FBLN2: variants seen among roughly 807,000 people sequenced by gnomAD.
The protein encoded by FBLN2 is fibulin 2, also known as fibulin-2.
Under a neutral mutation model 123.7 loss-of-function variants are expected in FBLN2, and 81 were observed. The observed-to-expected ratio is 0.65, with a 90% CI of 0.55 to 0.79. The LOEUF (loss-of-function observed/expected upper bound fraction) is 0.79, where lower values mean the gene tolerates loss of function less well. FBLN2 is among the 30% of genes least tolerant of loss of function. FBLN2 has a pLI of 0.00. For missense variants in FBLN2, 1,603 were observed against 1,681.3 expected (o/e 0.95, Z 0.81); for synonymous variants, 699 against 701.4 (o/e 1.00, Z 0.05).
chr3:13,634,005 C>T (rs1229337673), intron 16 of FBLN2, among the ~76,000 whole-genome samples: 1 of 42,866 alleles, frequency 2.3e-5, no homozygotes, highest in Non-Finnish European at 5.2e-5. Flanking sequence ...AGCTGAAAGT[C>T]ACTCTGAGTC....
chr3:13,595,565 G>A (rs1423554649), intron 2 of FBLN2, among the ~76,000 whole-genome samples: 2 of 152,154 alleles, frequency 1.3e-5, no homozygotes, highest in African/African-American at 4.8e-5. Flanking sequence ...AAGGCTGGCG[G>A]GAACATCAGG....
chr3:13,595,328 C>G (rs1315387781), intron 2 of FBLN2, among the ~76,000 whole-genome samples: 3 of 152,162 alleles, frequency 2.0e-5, no homozygotes, highest in Admixed American at 6.5e-5. Context: ...AGGCATCCCT[C>G]AGGCTGAGTT....
At chr3:13,554,565 G>C (rs569539127) in intron 1 of FBLN2, among the ~76,000 whole-genome samples, 1 of 81,692 alleles carries the variant, frequency 1.2e-5, no homozygotes, top group African/African-American at 4.4e-5. Context: ...TGAAGATCTC[G>C]CTCATCACTG....
chr3:13,635,879 C>CAG (rs1706445672), intron 16 of FBLN2, among the ~76,000 whole-genome samples: 1 of 152,090 alleles, frequency 6.6e-6, no homozygotes, highest in Admixed American at 6.5e-5. Flanking sequence ...CGGTGTGTTG[C>CAG]AGAGCATGGA....
chr3:13,609,239 C>A (rs2292901), intron 3 of FBLN2, among the ~76,000 whole-genome samples: 4 of 152,184 alleles, frequency 2.6e-5, no homozygotes, highest in East Asian at 1.9e-4. Context: ...CCTCCCCGAC[C>A]GTTGTGGGGG....
intron 2 of FBLN2, among the ~76,000 whole-genome samples, chr3:13,586,454 A>C (rs1315228911): frequency 6.8e-6 from 1 of 146,704 alleles, no homozygotes; most frequent in Non-Finnish European, 1.5e-5. Flanking sequence ...AAGGGTTGGG[A>C]TTACAGGCAT....
At chr3:13,610,500 G>A (rs1023677869) in intron 4 of FBLN2, among the ~76,000 whole-genome samples, 6 of 152,158 alleles carry the variant, frequency 3.9e-5, no homozygotes, top group Non-Finnish European at 7.4e-5. Flanking sequence ...GGGGTGTGTG[G>A]TCCAGTGGTC....
Position 13,570,759 on chromosome 3 carries a change from G to T in FBLN2, c.404G>T (p.Gly135Val). 1 of 1,601,584 alleles carries T rather than the reference G, an allele frequency of 6.2e-7. No individual in the cohort carries two copies. Residue 135 changes from glycine (G) to valine (V), a missense_variant, in exon 2 of 18, where the codon GGC becomes GTC. Gly to Val is a moderately radical substitution (Grantham distance 109, BLOSUM62 -3). Transcript: ENST00000404922. ...GTGGCTGACAGCTGCCCACAGTGCG[G>T]CCAGGTGGGCTGCGTCCACGCGGGC... ...VVVADSCPQC[G>V]QVGCVHAGHK...
At chr3:13,577,454 C>T (rs1559405801) in intron 2 of FBLN2, among the ~76,000 whole-genome samples, 1 of 152,164 alleles carries the variant, frequency 6.6e-6, no homozygotes, top group Non-Finnish European at 1.5e-5. Flanking sequence ...TGGGAGGTCA[C>T]TGGGGCAGGC....
intron 16 of FBLN2, 98 bp downstream of exon 16, chr3:13,631,555 C>T (rs111759700): frequency 6.2e-5 from 84 of 1,363,436 alleles, no homozygotes; most frequent in Admixed American, 7.9e-5. Flanking sequence ...GCACTTGGAG[C>T]CCCCACACCC....
At chr3:13,630,842 C>A in intron 15 of FBLN2, 27 bp downstream of exon 15, 1 of 1,520,852 alleles carries the variant, frequency 6.6e-7, no homozygotes, top group Non-Finnish European at 9.0e-7. Flanking sequence ...CAAGGGCCCC[C>A]TTCCAGAGAG....
intron 1 of FBLN2, among the ~76,000 whole-genome samples, chr3:13,553,453 C>T (rs1190720186): frequency 6.6e-6 from 1 of 152,194 alleles, no homozygotes; most frequent in Non-Finnish European, 1.5e-5. Context: ...CTCCGTCCAC[C>T]TCCAGGTCCT....
At chr3:13,561,728 C>A (rs571702199) in intron 1 of FBLN2, among the ~76,000 whole-genome samples, 12 of 152,356 alleles carry the variant, frequency 7.9e-5, no homozygotes, top group African/African-American at 2.9e-4. Context: ...ACATTGGCTG[C>A]ATGCGGGTAG....
At chr3:13,608,531 C>T (rs754759038) in intron 3 of FBLN2, among the ~76,000 whole-genome samples, 39 of 152,332 alleles carry the variant, frequency 2.6e-4, no homozygotes, top group Non-Finnish European at 5.4e-4. Context: ...GCCACTCAGG[C>T]TTTCTCTCCT....
At chr3:13,563,986 A>T (rs1187064409) in intron 1 of FBLN2, among the ~76,000 whole-genome samples, 1 of 152,202 alleles carries the variant, frequency 6.6e-6, no homozygotes, top group Non-Finnish European at 1.5e-5. Context: ...CAACGATGCC[A>T]ATGGGAAGGG....
intron 2 of FBLN2, among the ~76,000 whole-genome samples, chr3:13,582,551 G>T (rs1559407627): frequency 6.6e-6 from 1 of 152,338 alleles, no homozygotes; most frequent in African/African-American, 2.4e-5. Context: ...CGGCCTCCAT[G>T]CTGGGAAAGT....
In FBLN2 at chr3:13,608,115, A is replaced by G; in HGVS notation, c.1360A>G (p.Ile454Val). The G allele has an allele frequency of 6.3e-7, 1 of 1,598,712 alleles. No homozygotes were observed. Among genetic ancestry groups the G allele is most frequent in the Non-Finnish European group, 8.5e-7 (1 of 1,172,800 alleles). The change falls in exon 3 of 18, where the codon ATT becomes GTT. Residue 454 changes from isoleucine (I) to valine (V), a missense_variant. By Grantham distance (29) the Ile-to-Val change is conservative (BLOSUM62 3). Coordinates refer to ENST00000404922, the MANE Select transcript of FBLN2 (RefSeq NM_001004019.2). ...CTGCGCAGCCGGACAGCAGTGGGCC[A>G]TTGACAATGACGAGTGCCTGGAGAT... The part of the protein sequence containing the change: ...TCCAAGQQWA[I>V]DNDECLEIPE...
At chr3:13,619,198 C>A (rs927570022) in intron 7 of FBLN2, among the ~76,000 whole-genome samples, 181 bp downstream of exon 7, 11 of 152,182 alleles carry the variant, frequency 7.2e-5, no homozygotes, top group African/African-American at 2.4e-4. Context: ...GAGGAAGTCA[C>A]TGGGGAGATG....
At chr3:13,579,964 G>A (rs191818851) in intron 2 of FBLN2, among the ~76,000 whole-genome samples, 5 of 152,256 alleles carry the variant, frequency 3.3e-5, no homozygotes, top group Admixed American at 3.3e-4. Flanking sequence ...GCCCCTCCTA[G>A]GAAACCACCT....
Sources: gnomAD v4.1 joint callset for allele counts (sites outside exome capture counted in the v4.1 genomes callset) on GRCh38, gnomAD v4.1.1 for gene constraint, MANE v1.5 for transcripts, NCBI Gene and HGNC (gene_info 2026-07-23, HGNC 2026-07-21) for gene names.